ADGRL3: variants seen among roughly 807,000 people sequenced by gnomAD.
ADGRL3 encodes calcium-independent alpha-latrotoxin receptor 3.
Under a neutral mutation model 153.5 loss-of-function variants are expected in ADGRL3, and 62 were observed. The ratio of observed to expected loss-of-function variants is 0.40; its 90% CI spans 0.33 to 0.50. ADGRL3 has a LOEUF of 0.50. ADGRL3 is among the 20% of genes least tolerant of loss of function. ADGRL3 has a pLI of 0.47. For synonymous variants in ADGRL3, 710 were observed against 672.5 expected (o/e 1.06, Z -0.86); for missense variants, 1,641 against 1,859.4 (o/e 0.88, Z 2.16).
chr4:61,388,636 G>A (rs1023948338), intron 2 of ADGRL3, among the ~76,000 whole-genome samples: 3 of 152,162 alleles, frequency 2.0e-5, no homozygotes, highest in African/African-American at 7.2e-5. Flanking sequence ...TCTTCTGTGT[G>A]GATAATTACA....
At chr4:61,374,087 A>G (rs567674669) in intron 1 of ADGRL3, among the ~76,000 whole-genome samples, 3 of 152,108 alleles carry the variant, frequency 2.0e-5, no homozygotes, top group East Asian at 1.9e-4. Flanking sequence ...TGAATCATGT[A>G]TGAGTAAAAC....
chr4:61,318,342 C>CT (rs1412035205), intron 1 of ADGRL3, among the ~76,000 whole-genome samples: 1 of 151,990 alleles, frequency 6.6e-6, no homozygotes, highest in Non-Finnish European at 1.5e-5. Context: ...GACAAGAAGA[C>CT]TCAAGATATG....
chr4:61,373,455 A>G (rs756991537), intron 1 of ADGRL3, among the ~76,000 whole-genome samples: 5 of 152,200 alleles, frequency 3.3e-5, no homozygotes, highest in Non-Finnish European at 7.3e-5. Context: ...TGAGAATTTA[A>G]CTTTCATTGT....
intron 9 of ADGRL3, among the ~76,000 whole-genome samples, chr4:61,858,837 G>T (rs11929835): frequency 0.98 from 149,466 of 152,214 alleles, 73,442 homozygotes; most frequent in East Asian, 1. Flanking sequence ...GAAAGAAGTC[G>T]GACTTAGAAA....
intron 8 of ADGRL3, among the ~76,000 whole-genome samples, chr4:61,807,335 CTTTTTTT>C (rs57297844): frequency 1.3e-5 from 2 of 148,802 alleles, no homozygotes; most frequent in African/African-American, 2.5e-5. Context: ...TTTTTTTTAA[CTTTTTTT>C]TTTTTAGTTT....
intron 6 of ADGRL3, among the ~76,000 whole-genome samples, chr4:61,711,518 G>A (rs1219630636): frequency 1.3e-5 from 1 of 79,452 alleles, no homozygotes; most frequent in Non-Finnish European, 2.5e-5. Context: ...ACACACAATA[G>A]CATGATTGTA....
chr4:61,409,919 G>A (rs1223971818), intron 2 of ADGRL3, among the ~76,000 whole-genome samples: 1 of 151,920 alleles, frequency 6.6e-6, no homozygotes, highest in East Asian at 1.9e-4. Context: ...AGAATGGGAA[G>A]TTTAGAAAGA....
chr4:62,067,731 A>G (rs957814558), intron 25 of ADGRL3, among the ~76,000 whole-genome samples: 1 of 152,096 alleles, frequency 6.6e-6, no homozygotes, highest in African/African-American at 2.4e-5. Flanking sequence ...TTTTATTTAT[A>G]CTTTTACTGA....
At chr4:61,561,554 T>C (rs139079547) in intron 4 of ADGRL3, among the ~76,000 whole-genome samples, 68 of 152,228 alleles carry the variant, frequency 4.5e-4, no homozygotes, top group African/African-American at 1.6e-3. Context: ...CTTTAGGGTA[T>C]TTGACTGACT....
At chr4:61,916,649 GA>G (rs1305960325) in intron 13 of ADGRL3, among the ~76,000 whole-genome samples, 5 of 151,832 alleles carry the variant, frequency 3.3e-5, no homozygotes, top group Non-Finnish European at 1.5e-5. Flanking sequence ...TCAACACCAT[GA>G]CTAAGAATAA....
intron 5 of ADGRL3, among the ~76,000 whole-genome samples, chr4:61,595,903 G>C (rs1011250376): frequency 2.6e-5 from 4 of 152,094 alleles, no homozygotes; most frequent in Non-Finnish European, 5.9e-5. Flanking sequence ...TGCTGGCTGA[G>C]CCCAGCATGG....
At chr4:61,916,245 T>A (rs1446546066) in intron 13 of ADGRL3, among the ~76,000 whole-genome samples, 2 of 152,090 alleles carry the variant, frequency 1.3e-5, no homozygotes, top group African/African-American at 2.4e-5. Context: ...ACAAAAAAAA[T>A]TAAGTTTAAT....
At chr4:61,760,020 G>T (rs1168101386) in intron 8 of ADGRL3, among the ~76,000 whole-genome samples, 1 of 152,186 alleles carries the variant, frequency 6.6e-6, no homozygotes, top group Non-Finnish European at 1.5e-5. Context: ...CTGCCTGATT[G>T]TTCCTCTGGA....
At chr4:61,762,758 A>G (rs912287858) in intron 8 of ADGRL3, among the ~76,000 whole-genome samples, 1 of 152,212 alleles carries the variant, frequency 6.6e-6, no homozygotes, top group Non-Finnish European at 1.5e-5. Context: ...ATTACTTAAA[A>G]GATAAAGAGA....
At chr4:61,631,384 G>A (rs1027035433) in intron 5 of ADGRL3, among the ~76,000 whole-genome samples, 13 of 152,182 alleles carry the variant, frequency 8.5e-5, no homozygotes, top group African/African-American at 3.1e-4. Flanking sequence ...GCCTTTAAAA[G>A]TTCTATAATA....
At chr4:61,434,593 G>T (rs923446789) in intron 2 of ADGRL3, among the ~76,000 whole-genome samples, 1 of 145,306 alleles carries the variant, frequency 6.9e-6, no homozygotes, top group African/African-American at 2.5e-5. Flanking sequence ...CTTTATCAAT[G>T]CTTGCTTAAT....
At chr4:61,846,948 ATGTGTGTG>A (rs72301670) in intron 9 of ADGRL3, among the ~76,000 whole-genome samples, 3 of 145,840 alleles carry the variant, frequency 2.1e-5, no homozygotes, top group South Asian at 2.2e-4. Flanking sequence ...TTTATATATT[ATGTGTGTG>A]TGTGTGTGTG....
intron 25 of ADGRL3, among the ~76,000 whole-genome samples, chr4:62,057,162 C>A (rs1737477510): frequency 6.6e-6 from 1 of 152,074 alleles, no homozygotes; most frequent in Admixed American, 6.6e-5. Flanking sequence ...AAGTGAGATC[C>A]AACTGTCATC....
intron 2 of ADGRL3, among the ~76,000 whole-genome samples, chr4:61,385,966 G>A (rs1267927738): frequency 6.6e-6 from 1 of 152,106 alleles, no homozygotes; most frequent in Admixed American, 6.6e-5. Context: ...GGAATGCAGA[G>A]GTTAGCTCTG....
Sources: allele counts gnomAD v4.1 joint callset (sites outside exome capture counted in the v4.1 genomes callset), GRCh38; gene constraint gnomAD v4.1.1; transcripts MANE v1.5; gene names NCBI Gene and HGNC (gene_info 2026-07-23, HGNC 2026-07-21).